THSD4: variants seen among roughly 807,000 people sequenced by gnomAD.
The protein encoded by THSD4 is thrombospondin type-1 domain-containing protein 4.
THSD4 carries 69 observed loss-of-function variants against 119.0 expected under a neutral mutation model. The observed-to-expected ratio is 0.58, with a 90% CI of 0.48 to 0.71. THSD4 has a LOEUF of 0.71. Ranked by LOEUF, THSD4 falls within the 30% of genes least tolerant of loss-of-function variation. THSD4 has a pLI of 0.00. For synonymous variants in THSD4, 524 were observed against 540.4 expected (o/e 0.97, Z 0.42); for missense variants, 1,393 against 1,391.1 (o/e 1.00, Z -0.02).
chr15:71,368,852 C>T (rs1229774199), intron 6 of THSD4, among the ~76,000 whole-genome samples: 1 of 152,080 alleles, frequency 6.6e-6, no homozygotes, highest in African/African-American at 2.4e-5. Context: ...GGGGATGGCA[C>T]TGAGTCTATA....
intron 7 of THSD4, among the ~76,000 whole-genome samples, chr15:71,603,971 G>GA (rs1448279905): frequency 6.6e-6 from 1 of 152,084 alleles, no homozygotes; most frequent in Non-Finnish European, 1.5e-5. Flanking sequence ...TTAGAAGAAA[G>GA]AAAAAATAGC....
intron 3 of THSD4, among the ~76,000 whole-genome samples, chr15:71,194,000 C>T (rs1019834502): frequency 2.0e-4 from 30 of 152,164 alleles, no homozygotes; most frequent in African/African-American, 5.1e-4. Context: ...CGTGAGCCAC[C>T]GCGCCCGGCC....
intron 1 of THSD4, among the ~76,000 whole-genome samples, chr15:71,141,105 G>A (rs2040599414): frequency 6.6e-6 from 1 of 152,224 alleles, no homozygotes; most frequent in East Asian, 1.9e-4. Context: ...ACATGAATGT[G>A]ACATGACATC....
chr15:71,487,668 C>G (rs2047843616), intron 7 of THSD4, among the ~76,000 whole-genome samples: 1 of 152,160 alleles, frequency 6.6e-6, no homozygotes, highest in Admixed American at 6.5e-5. Context: ...GTATATAATT[C>G]AAGAATGTTG....
chr15:71,347,897 T>C (rs1029083157), intron 6 of THSD4, among the ~76,000 whole-genome samples: 1 of 152,146 alleles, frequency 6.6e-6, no homozygotes, highest in Non-Finnish European at 1.5e-5. Context: ...CACTCAGCAG[T>C]CCTTCATGCT....
At chr15:71,601,639 G>A (rs550862849) in intron 7 of THSD4, among the ~76,000 whole-genome samples, 1 of 152,314 alleles carries the variant, frequency 6.6e-6, no homozygotes, top group South Asian at 2.1e-4. Context: ...TGTAATCTTT[G>A]ATGACTTCAG....
intron 4 of THSD4, among the ~76,000 whole-genome samples, chr15:71,227,294 C>A (rs1476883773): frequency 6.6e-6 from 1 of 152,194 alleles, no homozygotes; most frequent in Non-Finnish European, 1.5e-5. Context: ...TTCTCCAAGT[C>A]ATTCATAACT....
chr15:71,423,929 C>T (rs979228502), intron 7 of THSD4, among the ~76,000 whole-genome samples: 3 of 152,132 alleles, frequency 2.0e-5, no homozygotes, highest in African/African-American at 7.2e-5. Flanking sequence ...CTGGGTTCTG[C>T]CTGGTGTTGC....
Position 71,754,810 on chromosome 15 carries a change from C to T in THSD4, c.2416-3092C>T, listed in dbSNP as rs572185545. Among the ~76,000 whole-genome samples, 268 of 117,576 alleles carry T rather than the reference C, an allele frequency of 2.3e-3. 2 individuals carry two copies. The highest frequency in any genetic ancestry group is 4.3e-3 in the Middle Eastern group (1 of 234). 77.1% of individuals were successfully genotyped at this position (117,576 alleles called of 152,430 possible). A position where few individuals can be genotyped will look rare whatever the true frequency, so the allele number is the denominator to read the frequency against. On this transcript the variant is annotated intron_variant, in intron 14 of 17. Coordinates refer to ENST00000261862, the MANE Select transcript of THSD4 (RefSeq NM_024817.3). ...GGGGGGCTTCATAGGAAAGAAGTGA[C>T]AACCCCAGAGAAGCAGTTAGACTTG... is the stretch of plus-strand genomic sequence containing the variant.
At chr15:71,343,326 G>A (rs1388350937) in intron 6 of THSD4, among the ~76,000 whole-genome samples, 13 of 152,174 alleles carry the variant, frequency 8.5e-5, no homozygotes, top group Admixed American at 8.5e-4. Flanking sequence ...CTGATTGATT[G>A]ATAAATAATA....
intron 7 of THSD4, among the ~76,000 whole-genome samples, chr15:71,414,177 G>A (rs1467318764): frequency 6.6e-6 from 1 of 152,226 alleles, no homozygotes; most frequent in Non-Finnish European, 1.5e-5. Context: ...GAATGAGGAG[G>A]ATGGTACCTA....
chr15:71,395,705 G>C (rs1171324823), intron 6 of THSD4, among the ~76,000 whole-genome samples: 1 of 152,008 alleles, frequency 6.6e-6, no homozygotes, highest in African/African-American at 2.4e-5. Context: ...TCACGCCACT[G>C]CACTTCAGCT....
chr15:71,280,442 T>C (rs572561893), intron 6 of THSD4, among the ~76,000 whole-genome samples: 1 of 152,310 alleles, frequency 6.6e-6, no homozygotes, highest in Middle Eastern at 3.4e-3. Context: ...ACAAAAGGGG[T>C]GAAAATAAAT....
chr15:71,299,866 T>G (rs949693418), intron 6 of THSD4, among the ~76,000 whole-genome samples: 2 of 151,246 alleles, frequency 1.3e-5, no homozygotes, highest in African/African-American at 2.4e-5. Flanking sequence ...TAGCTCACAC[T>G]TGTAATCCCA....
intron 7 of THSD4, among the ~76,000 whole-genome samples, chr15:71,603,500 G>A (rs150522870): frequency 1.0e-3 from 158 of 152,322 alleles, no homozygotes; most frequent in African/African-American, 3.7e-3. Context: ...TGGGTCATGA[G>A]ATGCGTAGTT....
At chr15:71,487,429 T>C (rs1023606916) in intron 7 of THSD4, among the ~76,000 whole-genome samples, 3 of 152,244 alleles carry the variant, frequency 2.0e-5, no homozygotes, top group Admixed American at 6.5e-5. Context: ...CAGTGACCAC[T>C]TCCTTGCTAA....
intron 8 of THSD4, among the ~76,000 whole-genome samples, chr15:71,685,589 C>G (rs540055146): frequency 6.6e-6 from 1 of 152,090 alleles, no homozygotes; most frequent in Non-Finnish European, 1.5e-5. Flanking sequence ...ATTCTCATAT[C>G]TGCTTCTCCA....
chr15:71,391,148 A>T (rs1050869129), intron 6 of THSD4, among the ~76,000 whole-genome samples: 21 of 150,652 alleles, frequency 1.4e-4, no homozygotes, highest in African/African-American at 5.1e-4. Flanking sequence ...CCTGCCTCAG[A>T]CTCCAGAGTA....
chr15:71,470,980 AT>A (rs2047569765), intron 7 of THSD4, among the ~76,000 whole-genome samples: 2 of 152,232 alleles, frequency 1.3e-5, no homozygotes, highest in African/African-American at 4.8e-5. Flanking sequence ...GTTTTGCAGT[AT>A]GTTTAAAGTT....
Sources: gnomAD v4.1 joint callset for allele counts (sites outside exome capture counted in the v4.1 genomes callset) on GRCh38, gnomAD v4.1.1 for gene constraint, MANE v1.5 for transcripts, NCBI Gene and HGNC (gene_info 2026-07-23, HGNC 2026-07-21) for gene names.